Variants in DENND6B observed in about 807,000 individuals in gnomAD.
The protein encoded by DENND6B is DENN domain containing 6B, also known as protein DENND6B.
Under a neutral mutation model 85.1 loss-of-function variants are expected in DENND6B, and 73 were observed. The observed-to-expected ratio is 0.86, with a 90% CI of 0.71 to 1.04. The LOEUF is 1.04. Among genes scored for constraint, DENND6B ranks in the 50% least tolerant of loss-of-function variants. DENND6B has a pLI of 0.00. For synonymous variants in DENND6B, 357 were observed against 329.3 expected, an observed-to-expected ratio of 1.08 and a Z score of -0.91; for missense variants, 715 against 785.8, an observed-to-expected ratio of 0.91 and a Z score of 1.08.
chr22:50,312,526 C>A lies in DENND6B; in HGVS notation c.1557G>T (p.Glu519Asp). Reference sequence around the variant, plus strand: ...CCCAACCCCCAGCCTCTCTCACCGCCTCACAGATAGCCTCCAGGTGCAGGG... The same window carrying A: ...CCCAACCCCCAGCCTCTCTCACCGCATCACAGATAGCCTCCAGGTGCAGGG... ...LEALHLEAICEANIETWMKDK... is the reference protein window; with the variant it reads ...LEALHLEAICDANIETWMKDK... Residue 519 changes from glutamate (E) to aspartate (D), a missense_variant, in exon 18 of 20, where the codon GAG (glutamate) becomes GAT (aspartate). Transcript: ENST00000413817. The A allele has an allele frequency of 6.3e-7, 1 of 1,587,046 alleles. No homozygotes were observed. The highest frequency in any genetic ancestry group is 8.6e-7 in the Non-Finnish European group (1 of 1,167,586).
chr22:50,319,838 C>T (rs2041988142), intron 1 of DENND6B, among the ~76,000 whole-genome samples: 1 of 152,262 alleles, frequency 6.6e-6, no homozygotes, highest in Non-Finnish European at 1.5e-5. Flanking sequence ...CTGTAGCGCC[C>T]AGCCGGACAA....
At chr22:50,313,321 C>T (rs1478867720) in intron 16 of DENND6B, 125 bp downstream of exon 16, 2 of 1,347,422 alleles carry the variant, frequency 1.5e-6, no homozygotes, top group African/African-American at 3.0e-5. Flanking sequence ...GTTTCACAAA[C>T]ATGATGGCCT....
chr22:50,311,580 A>T lies in DENND6B; in HGVS notation c.*559T>A. Reference sequence around the variant, plus strand: ...CAACCCCTACCTCCCAACAAACCACAGCCCCAAGCAGGTGGGTGTCCAGAG... The same window carrying T: ...CAACCCCTACCTCCCAACAAACCACTGCCCCAAGCAGGTGGGTGTCCAGAG... On this transcript the variant is annotated 3_prime_UTR_variant, in exon 20 of 20. Transcript: ENST00000413817. 1 of 154,418 alleles carries T rather than the reference A, an allele frequency of 6.5e-6. No individual in the cohort carries two copies. Among genetic ancestry groups the T allele is most frequent in the Admixed American group, 6.4e-5 (1 of 15,692 alleles). The allele number at this position is 154,418 out of a possible 1,614,324, so 9.6% of individuals were successfully genotyped here.
chr22:50,326,792 C>T lies in DENND6B; in HGVS notation c.177+20G>A. ...CGCAGCCCTGCCCACCCGCCCGCGC[C>T]CGCGCTCGCGCCCGCTCACCTCCAG... On this transcript the variant is annotated intron_variant, in intron 1 of 19. Transcript: ENST00000413817. 2.9e-6 allele frequency: 4 copies of T among 1,372,864 alleles called. No homozygotes were observed. The highest frequency in any genetic ancestry group is 3.7e-6 in the Non-Finnish European group (4 of 1,069,388). 85.0% of individuals were successfully genotyped at this position (1,372,864 alleles called of 1,614,324 possible).
chr22:50,317,401 A>T (rs748768813), intron 4 of DENND6B, 28 bp from the exon 5 acceptor site: 1 of 1,611,866 alleles, frequency 6.2e-7, no homozygotes, highest in South Asian at 1.1e-5. Context: ...TTAGCCAGCC[A>T]CGCCCCACCC....
In DENND6B at chr22:50,311,767, A is replaced by C; in HGVS notation, c.*372T>G. ...CTGGGCAGCCTGTTGGGCTGAGGGA[A>C]GCATCACACACAGCGCAGGGGGGTC... On this transcript the variant is annotated 3_prime_UTR_variant, in exon 20 of 20. Coordinates refer to ENST00000413817, the MANE Select transcript of DENND6B (RefSeq NM_001001794.4). 4.1e-6 allele frequency: 1 copy of C among 246,432 alleles called. No individual in the cohort carries two copies. The highest frequency in any genetic ancestry group is 8.0e-6 in the Non-Finnish European group (1 of 125,726). The allele number at this position is 246,432 out of a possible 1,614,324, so 15.3% of individuals were successfully genotyped here.
chr22:50,325,913 G>A (rs925179981), intron 1 of DENND6B, among the ~76,000 whole-genome samples: 1 of 152,234 alleles, frequency 6.6e-6, no homozygotes, highest in Non-Finnish European at 1.5e-5. Context: ...CAACCACAGA[G>A]ACGCGCTGCC....
chr22:50,313,860 G>A lies in DENND6B; in HGVS notation c.1157C>T (p.Thr386Met), dbSNP rs374647332. ...CGCCTTGTCGCGGTGGAGGTGGGCC[G>A]TGTAAGCGGTGTAGAGGCCTGGCGG... ...DTKPGLYTAYTAHLHRDKALL... is the reference protein window; with the variant it reads ...DTKPGLYTAYMAHLHRDKALL... The change falls in exon 14 of 20, where the codon ACG becomes ATG. Residue 386 changes from threonine to methionine, a missense_variant. By Grantham distance (81) the Thr-to-Met change is moderately conservative. Transcript: ENST00000413817. 185 of 1,610,988 alleles carry A rather than the reference G, an allele frequency of 1.1e-4. 1 individual carries two copies. The highest frequency in any genetic ancestry group is 7.4e-4 in the South Asian group (67 of 90,878).
intron 5 of DENND6B, chr22:50,317,076 C>T (rs1242062038): frequency 6.7e-5 from 14 of 208,076 alleles, no homozygotes; most frequent in Admixed American, 2.2e-4. Context: ...TGGGGGGGGG[C>T]GGCGAGGACA....
At chr22:50,313,927 C>G (rs770607118) in intron 13 of DENND6B, 49 bp from the exon 14 acceptor site, 1 of 1,552,586 alleles carries the variant, frequency 6.4e-7, no homozygotes, top group East Asian at 2.3e-5. Context: ...GCCTCCCTCC[C>G]ACACTCCTGC....
At chr22:50,312,714 CG>C (rs1339819434) in intron 17 of DENND6B, 89 bp from the exon 18 acceptor site, 6 of 468,248 alleles carry the variant, frequency 1.3e-5, no homozygotes, top group East Asian at 4.5e-5. Flanking sequence ...GATTGACAGG[CG>C]GGGGGCCATG....
intron 5 of DENND6B, 113 bp downstream of exon 5, chr22:50,317,180 G>C: frequency 8.9e-7 from 1 of 1,129,626 alleles, no homozygotes. Context: ...GGGGCTGCAG[G>C]AGGGGTGGGC....
chr22:50,313,115 G>A lies in DENND6B; in HGVS notation c.1348-7C>T. On this transcript the variant is annotated splice_polypyrimidine_tract_variant and splice_region_variant and intron_variant, in intron 16 of 19. Transcript: ENST00000413817. ...GCTGGATCTGGGGGGGAGTCTGAGA[G>A]GGGATGGGTGAGCCAGCACGTGGGA... 1.3e-6 allele frequency: 2 copies of A among 1,551,998 alleles called. No homozygotes were observed. The highest frequency in any genetic ancestry group is 1.2e-5 in the South Asian group (1 of 84,186).
intron 8 of DENND6B, 23 bp from the exon 9 acceptor site, chr22:50,315,792 C>T (rs2041792362): frequency 6.6e-7 from 1 of 1,513,868 alleles, no homozygotes; most frequent in Admixed American, 2.2e-5. Flanking sequence ...GAGTGAAGGT[C>T]AGGGCCAAGG....
intron 3 of DENND6B, 134 bp downstream of exon 3, chr22:50,318,713 T>C (rs1265419787): frequency 1.1e-5 from 14 of 1,304,788 alleles, no homozygotes; most frequent in Non-Finnish European, 1.4e-5. Context: ...GGAGTGGGCA[T>C]GGGGCTGGTG....
chr22:50,311,935 C>A lies in DENND6B; in HGVS notation c.*204G>T. The A allele has an allele frequency of 5.7e-6, 5 of 879,868 alleles. No individual in the cohort carries two copies. The highest frequency in any genetic ancestry group is 1.8e-5 in the South Asian group (1 of 55,550). The allele number at this position is 879,868 out of a possible 1,614,324, so 54.5% of individuals were successfully genotyped here. On this transcript the variant is annotated 3_prime_UTR_variant, in exon 20 of 20. Transcript: ENST00000413817. ...CCAGGAGGAGGCAAGGCTCTGCCTG[C>A]GAGGAACCCCTATGGTCAAGGCCAT...
Position 50,312,238 on chromosome 22 carries a change from G to A in DENND6B, c.1659C>T (p.Leu553=), listed in dbSNP as rs760677333. 2 of 1,612,186 alleles carry A rather than the reference G, an allele frequency of 1.2e-6. No individual in the cohort carries two copies. The highest frequency in any genetic ancestry group is 1.7e-5 in the Admixed American group (1 of 59,944). ...EKLVRAQGHQ[L]PVKEATLQRA... The stretch of plus-strand genomic sequence containing the variant: ...GCTGCAGCGTAGCCTCCTTCACAGG[G>A]AGCTGGTGGCCCTGAGCCCGCACCT... The change falls in exon 20 of 20, where the codon CTC becomes CTT. Residue 553 remains leucine, a synonymous_variant. Coordinates refer to ENST00000413817, the MANE Select transcript of DENND6B (RefSeq NM_001001794.4).
rs566271195 is a variant in DENND6B at position 50,316,449 on chromosome 22, G to C, written c.480C>G (p.Pro160=). The change falls in exon 6 of 20, where the codon CCC becomes CCG. Residue 160 remains proline, a synonymous_variant. Coordinates refer to ENST00000413817, the MANE Select transcript of DENND6B (RefSeq NM_001001794.4). The stretch of plus-strand genomic sequence containing the variant: ...GCAGCGCTTGGAACAGCCGGACAAA[G>C]GGCAAGCGGGACACCAGCACCAAAG... The part of the protein sequence containing the change: ...QKSLVLVSRL[P]FVRLFQALLS... 25 of 1,585,788 alleles carry C rather than the reference G, an allele frequency of 1.6e-5. No individual in the cohort carries two copies. The Admixed American group carries it at 4.5e-4, about 29-fold the overall frequency.
rs1461209487 is a variant in DENND6B, at chr22:50,311,442, G to C, written c.*697C>G. ...CCTCCCAGAAGGGACGCACGGAGCTGGTGCCTGGTGGGGGCTCCAGGACTG... is the reference window on the plus strand; with the variant it reads ...CCTCCCAGAAGGGACGCACGGAGCTCGTGCCTGGTGGGGGCTCCAGGACTG... On this transcript the variant is annotated 3_prime_UTR_variant, in exon 20 of 20. Coordinates refer to ENST00000413817, the MANE Select transcript of DENND6B (RefSeq NM_001001794.4). 2 of 152,412 alleles carry C rather than the reference G, an allele frequency of 1.3e-5. No individual in the cohort carries two copies. The allele number at this position is 152,412 out of a possible 1,614,324, so 9.4% of individuals were successfully genotyped here. A position where few individuals can be genotyped will look rare whatever the true frequency, so the allele number is the denominator to read the frequency against.
Sources: allele counts gnomAD v4.1 joint callset (sites outside exome capture counted in the v4.1 genomes callset), GRCh38; gene constraint gnomAD v4.1.1; transcripts MANE v1.5; gene names NCBI Gene and HGNC (gene_info 2026-07-23, HGNC 2026-07-21).